LDB2: variants seen among roughly 807,000 people sequenced by gnomAD.
LDB2 encodes LIM domain binding 2, also known as LIM domain-binding protein 2.
A neutral mutation model predicts 44.3 loss-of-function variants in LDB2; 12 were observed. That is an observed-to-expected ratio of 0.27 (90% CI 0.17 to 0.44). LDB2 has a LOEUF of 0.44. LDB2 is among the 20% of genes least tolerant of loss of function. The pLI, the probability that LDB2 is intolerant of heterozygous loss-of-function variation, is 1.00. For missense variants in LDB2, 344 were observed against 473.5 expected (o/e 0.73, Z 2.54); for synonymous variants, 164 against 174.8 (o/e 0.94, Z 0.49).
intron 2 of LDB2, among the ~76,000 whole-genome samples, chr4:16,715,741 A>AGTT (rs1756940231): frequency 6.6e-6 from 1 of 152,140 alleles, no homozygotes; most frequent in South Asian, 2.1e-4. Flanking sequence ...TCTCATACTA[A>AGTT]GAGGATCTCC....
chr4:16,578,772 A>G (rs182039781), intron 5 of LDB2, among the ~76,000 whole-genome samples: 4 of 152,350 alleles, frequency 2.6e-5, no homozygotes, highest in African/African-American at 9.6e-5. Context: ...CACTATTAAC[A>G]ATAGCCAAGA....
At chr4:16,535,271 T>C (rs1165777551) in intron 5 of LDB2, among the ~76,000 whole-genome samples, 1 of 152,110 alleles carries the variant, frequency 6.6e-6, no homozygotes. Context: ...GATTTAGGGG[T>C]AGGAAGACAT....
At chr4:16,590,991 C>G (rs984736769) in intron 3 of LDB2, among the ~76,000 whole-genome samples, 4 of 152,174 alleles carry the variant, frequency 2.6e-5, no homozygotes, top group Non-Finnish European at 5.9e-5. Context: ...CAGAAGCCAC[C>G]TGTGGTGACA....
intron 2 of LDB2, among the ~76,000 whole-genome samples, chr4:16,617,086 A>G (rs1727533630): frequency 6.6e-6 from 1 of 152,108 alleles, no homozygotes; most frequent in East Asian, 1.9e-4. Context: ...GTTTATGGCA[A>G]CCGTAAAGAA....
chr4:16,812,582 T>TTATATATATATA lies in LDB2; in HGVS notation c.133-53334_133-53323dup, dbSNP rs6148319. ...ATACTTGAGGCTGGAATCAATGAAA[T>TTATATATATATA]TATATATATATATATATATATATAT... On this transcript the variant is annotated intron_variant, in intron 1 of 7. Coordinates refer to ENST00000304523, the MANE Select transcript of LDB2 (RefSeq NM_001290.5). Among the ~76,000 whole-genome samples, 1,103 of 115,422 alleles carry TTATATATATATA rather than the reference T, an allele frequency of 9.6e-3. 29 individuals are homozygous for TTATATATATATA. Among genetic ancestry groups the TTATATATATATA allele is most frequent in the African/African-American group, 0.038 (969 of 25,718 alleles). 75.7% of individuals were successfully genotyped at this position (115,422 alleles called of 152,430 possible).
At chr4:16,583,744 C>T (rs976074383) in intron 5 of LDB2, among the ~76,000 whole-genome samples, 10 of 152,156 alleles carry the variant, frequency 6.6e-5, no homozygotes, top group Non-Finnish European at 2.9e-5. Context: ...AAGCGGCCCA[C>T]GTCAGCCCGA....
intron 2 of LDB2, among the ~76,000 whole-genome samples, chr4:16,629,477 A>G (rs2152492659): frequency 6.6e-6 from 1 of 152,198 alleles, no homozygotes; most frequent in South Asian, 2.1e-4. Context: ...TGCTGGTGAT[A>G]CCCACGCAAA....
intron 1 of LDB2, among the ~76,000 whole-genome samples, chr4:16,767,641 A>G (rs1265711716): frequency 2.0e-5 from 3 of 152,240 alleles, no homozygotes. Flanking sequence ...GAAAGTAACA[A>G]TAGCATACAG....
chr4:16,675,793 C>T (rs1197103682), intron 2 of LDB2, among the ~76,000 whole-genome samples: 1 of 152,008 alleles, frequency 6.6e-6, no homozygotes, highest in Non-Finnish European at 1.5e-5. Flanking sequence ...TGTATCTTTT[C>T]CCATTGCAAC....
intron 1 of LDB2, among the ~76,000 whole-genome samples, chr4:16,897,361 C>T (rs1038755631): frequency 1.3e-5 from 2 of 152,124 alleles, no homozygotes; most frequent in Non-Finnish European, 2.9e-5. Context: ...CTTTGGTGCA[C>T]CTATAACAAA....
intron 2 of LDB2, among the ~76,000 whole-genome samples, chr4:16,633,405 G>A (rs1006363924): frequency 6.6e-6 from 1 of 152,020 alleles, no homozygotes; most frequent in East Asian, 1.9e-4. Context: ...CTTGCACATT[G>A]TGCACGTGTA....
At chr4:16,866,147 A>G (rs537077136) in intron 1 of LDB2, among the ~76,000 whole-genome samples, 12 of 152,240 alleles carry the variant, frequency 7.9e-5, no homozygotes, top group Non-Finnish European at 1.8e-4. Flanking sequence ...GATTGTGCAG[A>G]TTTTCTTTCC....
chr4:16,713,804 T>C (rs1456876129), intron 2 of LDB2, among the ~76,000 whole-genome samples: 1 of 152,202 alleles, frequency 6.6e-6, no homozygotes, highest in Non-Finnish European at 1.5e-5. Context: ...GACATTCTCA[T>C]AGCCCATCTT....
chr4:16,614,580 C>CAAAAAAAAAAAAAAAAAAA (rs1164613202), intron 2 of LDB2, among the ~76,000 whole-genome samples: 5 of 53,784 alleles, frequency 9.3e-5, no homozygotes, highest in African/African-American at 1.3e-4. Flanking sequence ...CAAGAAAAAA[C>CAAAAAAAAAAAAAAAAAAA]AAAAAAAAAA....
chr4:16,833,685 G>A (rs183526133), intron 1 of LDB2, among the ~76,000 whole-genome samples: 2,813 of 152,064 alleles, frequency 0.018, 40 homozygotes, highest in Non-Finnish European at 0.028. Context: ...TGGGACTACC[G>A]GCGCATGCCA....
At chr4:16,823,631 C>T (rs1782512688) in intron 1 of LDB2, among the ~76,000 whole-genome samples, 2 of 152,188 alleles carry the variant, frequency 1.3e-5, no homozygotes, top group Admixed American at 1.3e-4. Context: ...TCGTAATTAC[C>T]TCTCTGCCTG....
At chr4:16,606,868 G>A (rs1413892575) in intron 2 of LDB2, among the ~76,000 whole-genome samples, 1 of 152,200 alleles carries the variant, frequency 6.6e-6, no homozygotes, top group Non-Finnish European at 1.5e-5. Context: ...TGAATTTTGT[G>A]TTTTAATATC....
At chr4:16,788,211 G>A (rs1312924098) in intron 1 of LDB2, among the ~76,000 whole-genome samples, 1 of 152,192 alleles carries the variant, frequency 6.6e-6, no homozygotes, top group East Asian at 1.9e-4. Context: ...GAGTAGCTAA[G>A]AAGCTCCAGA....
chr4:16,632,816 G>A (rs1254194268), intron 2 of LDB2, among the ~76,000 whole-genome samples: 3 of 152,134 alleles, frequency 2.0e-5, no homozygotes, highest in Non-Finnish European at 4.4e-5. Context: ...TGGAGAAATA[G>A]GAACACTTTT....
Sources: allele counts gnomAD v4.1 joint callset (sites outside exome capture counted in the v4.1 genomes callset), GRCh38; gene constraint gnomAD v4.1.1; transcripts MANE v1.5; gene names NCBI Gene and HGNC (gene_info 2026-07-23, HGNC 2026-07-21).